CCDC34: variants seen among roughly 807,000 people sequenced by gnomAD.
CCDC34 encodes the protein coiled-coil domain containing 34, also known as coiled-coil domain-containing protein 34.
A neutral mutation model predicts 44.1 loss-of-function variants in CCDC34; 40 were observed. That is an observed-to-expected ratio of 0.91 (90% CI 0.70 to 1.18). CCDC34 has a LOEUF of 1.18. Ranked by LOEUF, CCDC34 falls within the 50% of genes most tolerant of loss-of-function variation. The pLI, the probability that CCDC34 is intolerant of heterozygous loss-of-function variation, is 0.00. For synonymous variants in CCDC34, 159 were observed against 158.2 expected, an observed-to-expected ratio of 1.01 and a Z score of -0.04; for missense variants, 466 against 452.3, an observed-to-expected ratio of 1.03 and a Z score of -0.28.
intron 3 of CCDC34, 144 bp downstream of exon 3, chr11:27,350,188 G>C (rs1011457345): frequency 6.9e-5 from 107 of 1,557,090 alleles, no homozygotes; most frequent in Non-Finnish European, 8.1e-5. Context: ...CTTGATAAAT[G>C]TCCACCAGGA....
chr11:27,350,259 G>A, intron 3 of CCDC34, 73 bp downstream of exon 3: 1 of 1,606,652 alleles, frequency 6.2e-7, no homozygotes, highest in Admixed American at 1.7e-5. Flanking sequence ...TAAAACCTAG[G>A]TAATGAAGTA....
At chr11:27,341,052 C>T (rs1862350996) in intron 4 of CCDC34, among the ~76,000 whole-genome samples, 1 of 151,908 alleles carries the variant, frequency 6.6e-6, no homozygotes, top group South Asian at 2.1e-4. Context: ...GACATCAAAC[C>T]CACAAAGAAA....
intron 1 of CCDC34, among the ~76,000 whole-genome samples, chr11:27,359,891 C>T (rs982507928): frequency 2.0e-5 from 3 of 152,186 alleles, no homozygotes; most frequent in African/African-American, 7.2e-5. Context: ...CTTGGGCTTC[C>T]TGTCACTTGC....
Position 27,341,476 on chromosome 11 carries a change from G to T in CCDC34, c.681C>A (p.Tyr227Ter). ...EKAAKELEKEYLQEKAKEKYQ... is the reference protein window; with the variant it reads ...EKAAKELEKE Reference sequence around the variant, plus strand: ...ATTTTTCTTTTGCTTTTTCTTGCAAGTATTCTTTCTCCAGTTCCTTTGCTG... The same window carrying T: ...ATTTTTCTTTTGCTTTTTCTTGCAATTATTCTTTCTCCAGTTCCTTTGCTG... Residue 227 changes from tyrosine to a stop codon, truncating the protein, a stop_gained, in exon 4 of 6, where the codon TAC (tyrosine) becomes TAA (stop). Coordinates refer to ENST00000328697, the MANE Select transcript of CCDC34 (RefSeq NM_030771.2). LOFTEE classifies it high-confidence loss of function. 3 of 1,442,670 alleles carry T rather than the reference G, an allele frequency of 2.1e-6. No homozygotes were observed. The highest frequency in any genetic ancestry group is 2.1e-5 in the Admixed American group (1 of 46,774). 89.4% of individuals were successfully genotyped at this position (1,442,670 alleles called of 1,614,324 possible). A position where few individuals can be genotyped will look rare whatever the true frequency, so the allele number is the denominator to read the frequency against.
chr11:27,341,149 G>A (rs907546310), intron 4 of CCDC34, among the ~76,000 whole-genome samples: 1 of 152,150 alleles, frequency 6.6e-6, no homozygotes, highest in East Asian at 1.9e-4. Flanking sequence ...TTTAAAAGGA[G>A]TAACAGCAAC....
At chr11:27,355,152 T>C (rs1008714725) in intron 2 of CCDC34, among the ~76,000 whole-genome samples, 2 of 152,184 alleles carry the variant, frequency 1.3e-5, no homozygotes, top group Admixed American at 1.3e-4. Context: ...AGACTGTAGA[T>C]AAAGCCCAAT....
At chr11:27,362,254 C>G (rs1259109542) in intron 1 of CCDC34, among the ~76,000 whole-genome samples, 1 of 151,986 alleles carries the variant, frequency 6.6e-6, no homozygotes, top group African/African-American at 2.4e-5. Flanking sequence ...TTTTAATAAC[C>G]CCATTGGTCC....
intron 3 of CCDC34, chr11:27,348,979 A>AT (rs963928189): frequency 6.8e-4 from 647 of 948,806 alleles, no homozygotes; most frequent in South Asian, 7.3e-4. Flanking sequence ...AAAAGAAATA[A>AT]TTTTTTTTTT....
chr11:27,359,281 C>T (rs372220611), intron 1 of CCDC34, among the ~76,000 whole-genome samples: 20 of 152,204 alleles, frequency 1.3e-4, no homozygotes, highest in Admixed American at 2.6e-4. Flanking sequence ...CTTTCACCAA[C>T]GGCTGATCCA....
At position 27,363,048 on chromosome 11, in the gene CCDC34, G is replaced by A; in HGVS notation, c.147C>T (p.Arg49=). Reference sequence around the variant, plus strand: ...TCAGCGGCAGCGGCGGCGACGGCGAGCGCACCACCTCCAGCCCCTGCCCAC... The same window carrying A: ...TCAGCGGCAGCGGCGGCGACGGCGAACGCACCACCTCCAGCCCCTGCCCAC... ...GARGQGLEVV[R]SPSPPLPLSC... is the part of the protein sequence containing the mutation. The change falls in exon 1 of 6, where the codon CGC becomes CGT. Residue 49 remains arginine, a synonymous_variant. Transcript: ENST00000328697. 1 of 1,613,844 alleles carries A rather than the reference G, an allele frequency of 6.2e-7. No individual in the cohort carries two copies. Among genetic ancestry groups the A allele is most frequent in the South Asian group, 1.1e-5 (1 of 91,062 alleles).
chr11:27,349,603 C>A (rs1461872994), intron 3 of CCDC34: 1 of 981,892 alleles, frequency 1.0e-6, no homozygotes, highest in Admixed American at 6.2e-5. Flanking sequence ...AAAATCACAA[C>A]AGAAGACAAA....
intron 3 of CCDC34, among the ~76,000 whole-genome samples, chr11:27,348,038 G>A (rs1447029566): frequency 1.3e-5 from 2 of 151,804 alleles, no homozygotes; most frequent in African/African-American, 4.8e-5. Context: ...CAGCCACTAA[G>A]TGGCTTCAGA....
rs988717619 is a variant in CCDC34 at position 27,357,488 on chromosome 11, G to A, written c.413C>T (p.Pro138Leu). ...NQEEQKQVRL[P>L]ESRLTPWEVW... is the part of the protein sequence containing the mutation. ...CTCCCATGGTGTCAGGCGGCTTTCT[G>A]GTAAGCGCACCTGTTTCTGTTCTTC... Residue 138 changes from proline to leucine, a missense_variant, in exon 2 of 6, where the codon CCA (proline) becomes CTA (leucine). By Grantham distance (98) the Pro-to-Leu change is moderately conservative. Coordinates refer to ENST00000328697, the MANE Select transcript of CCDC34 (RefSeq NM_030771.2). 1.9e-6 allele frequency: 3 copies of A among 1,613,822 alleles called. No individual in the cohort carries two copies. Among genetic ancestry groups the A allele is most frequent in the Non-Finnish European group, 2.5e-6 (3 of 1,179,940 alleles).
rs560136779 is a variant in CCDC34, at chr11:27,339,280, G to A, written c.908-245C>T. On this transcript the variant is annotated intron_variant, in intron 5 of 5. Transcript: ENST00000328697. ...TTCTAAGAATCCAAATAACATTAGT[G>A]TTAAAACCTATGTAAATCAAACTCC... 1.1e-4 allele frequency among the ~76,000 whole-genome samples: 16 copies of A among 152,210 alleles called. No individual in the cohort carries two copies. In the South Asian group the frequency reaches 3.3e-3, roughly 32 times the overall value.
intron 1 of CCDC34, among the ~76,000 whole-genome samples, chr11:27,360,271 A>T (rs1450760065): frequency 6.6e-6 from 1 of 152,206 alleles, no homozygotes; most frequent in African/African-American, 2.4e-5. Flanking sequence ...ACATTGTAAA[A>T]TATTCCAGGA....
chr11:27,351,126 T>C (rs1367055300), intron 2 of CCDC34, among the ~76,000 whole-genome samples: 1 of 152,214 alleles, frequency 6.6e-6, no homozygotes, highest in Non-Finnish European at 1.5e-5. Context: ...TCAGTTAAAT[T>C]ACTGCATTGG....
chr11:27,342,663 T>C (rs1862378174), intron 3 of CCDC34, among the ~76,000 whole-genome samples: 1 of 152,202 alleles, frequency 6.6e-6, no homozygotes, highest in Admixed American at 6.5e-5. Flanking sequence ...TACATATTTA[T>C]TGTTTATAGT....
At chr11:27,339,589 A>G (rs1862324783) in intron 5 of CCDC34, among the ~76,000 whole-genome samples, 3 of 152,170 alleles carry the variant, frequency 2.0e-5, no homozygotes, top group African/African-American at 4.8e-5. Flanking sequence ...TGAAGTGTTT[A>G]AAGTATTGTG....
intron 5 of CCDC34, 135 bp downstream of exon 5, chr11:27,340,561 T>G: frequency 2.3e-6 from 2 of 881,042 alleles, no homozygotes; most frequent in Non-Finnish European, 3.3e-6. Flanking sequence ...ACATGACATG[T>G]TTATAATATA....
Sources: allele counts gnomAD v4.1 joint callset (sites outside exome capture counted in the v4.1 genomes callset), GRCh38; gene constraint gnomAD v4.1.1; transcripts MANE v1.5; gene names NCBI Gene and HGNC (gene_info 2026-07-23, HGNC 2026-07-21).